NPIPB11: variants seen among roughly 807,000 people sequenced by gnomAD.
The protein encoded by NPIPB11 is nuclear pore complex interacting protein family member B11, also known as nuclear pore complex-interacting protein family member B11.
Under a neutral mutation model 32.8 loss-of-function variants are expected in NPIPB11, and 17 were observed. The observed-to-expected ratio is 0.52, with a 90% CI of 0.35 to 0.78. The LOEUF is 0.78. Among genes scored for constraint, NPIPB11 ranks in the 30% least tolerant of loss-of-function variants. The pLI is 0.01. For synonymous variants in NPIPB11, 209 were observed against 398.4 expected, an observed-to-expected ratio of 0.52 and a Z score of 5.66; for missense variants, 537 against 1,000.4, an observed-to-expected ratio of 0.54 and a Z score of 6.25.
At chr16:29,394,026 T>A in exon 3 of NPIPB11, 1 of 1,599,468 alleles carries the variant, frequency 6.3e-7, no homozygotes, top group Non-Finnish European at 8.5e-7. Flanking sequence ...ACCAAGGACT[T>A]CCACCAAAGT....
chr16:29,391,258 T>C (rs1202512331), intron 3 of NPIPB11, among the ~76,000 whole-genome samples: 43 of 113,526 alleles, frequency 3.8e-4, no homozygotes, highest in African/African-American at 1.5e-3. Flanking sequence ...AGAGTGAGAC[T>C]CCGTCTCAAA....
intron 2 of NPIPB11, among the ~76,000 whole-genome samples, chr16:29,403,041 C>A (rs1009866013): frequency 2.7e-5 from 4 of 149,160 alleles, no homozygotes; most frequent in Non-Finnish European, 5.9e-5. Flanking sequence ...AGTTTAGAAG[C>A]TGTTGATTTG....
At chr16:29,402,203 G>T (rs1306164167) in intron 2 of NPIPB11, among the ~76,000 whole-genome samples, 4 of 133,946 alleles carry the variant, frequency 3.0e-5, no homozygotes, top group Middle Eastern at 3.6e-3. Context: ...CCCAGGGCCT[G>T]GCACACACAG....
At chr16:29,399,175 C>G (rs945498730) in intron 2 of NPIPB11, among the ~76,000 whole-genome samples, 8 of 152,152 alleles carry the variant, frequency 5.3e-5, no homozygotes, top group African/African-American at 1.7e-4. Context: ...TGTCCATCAC[C>G]TTTCCTGGCC....
At chr16:29,402,698 GTCTCTC>G (rs762980727) in intron 2 of NPIPB11, among the ~76,000 whole-genome samples, 121 of 118,918 alleles carry the variant, frequency 1.0e-3, no homozygotes, top group African/African-American at 2.9e-3. Flanking sequence ...GTGAAACTCT[GTCTCTC>G]TCTCTCTCTC....
intron 3 of NPIPB11, 66 bp from the exon 4 acceptor site, chr16:29,390,414 C>T (rs1344363448): frequency 7.0e-5 from 111 of 1,595,042 alleles, no homozygotes; most frequent in Non-Finnish European, 8.8e-5. Context: ...CCCAGTACTT[C>T]GGGAAGCTGA....
chr16:29,394,481 C>T (rs1012010432), intron 2 of NPIPB11, among the ~76,000 whole-genome samples: 1 of 148,956 alleles, frequency 6.7e-6, no homozygotes, highest in Non-Finnish European at 1.5e-5. Context: ...GTCGCCCAGG[C>T]TGGAGTGAAG....
chr16:29,390,496 T>G, intron 3 of NPIPB11, 148 bp from the exon 4 acceptor site: 2 of 1,231,926 alleles, frequency 1.6e-6, no homozygotes, highest in Non-Finnish European at 2.3e-6. Context: ...CTACTAAAAA[T>G]ACAAAAATTA....
intron 3 of NPIPB11, 66 bp from the exon 4 acceptor site, chr16:29,390,414 C>A: frequency 2.5e-6 from 4 of 1,595,160 alleles, no homozygotes; most frequent in Non-Finnish European, 2.5e-6. Flanking sequence ...CCCAGTACTT[C>A]GGGAAGCTGA....
upstream of NPIPB11, among the ~76,000 whole-genome samples, chr16:29,405,354 C>T (rs976794312): frequency 7.2e-5 from 11 of 152,010 alleles, no homozygotes; most frequent in Non-Finnish European, 1.2e-4. Context: ...AAGCCTACTA[C>T]GTGCCAGCCA....
At chr16:29,405,488 A>C (rs1964094249), upstream of NPIPB11, among the ~76,000 whole-genome samples, 1 of 152,182 alleles carries the variant, frequency 6.6e-6, no homozygotes, top group Non-Finnish European at 1.5e-5. Flanking sequence ...CGTGTTAGTC[A>C]CGGTGCAGTC....
intron 3 of NPIPB11, among the ~76,000 whole-genome samples, chr16:29,390,572 A>C (rs1963693236): frequency 6.6e-6 from 1 of 150,758 alleles, no homozygotes; most frequent in Admixed American, 6.6e-5. Flanking sequence ...GAACCGTTTG[A>C]AGCTGGGAGG....
At chr16:29,383,043 C>G (rs778245800) in exon 8 of NPIPB11, 2 of 1,606,082 alleles carry the variant, frequency 1.2e-6, no homozygotes, top group Non-Finnish European at 1.7e-6. Flanking sequence ...GAAGCGGAAC[C>G]CGCAGATGCT....
At chr16:29,392,159 C>T (rs1963738356) in intron 3 of NPIPB11, among the ~76,000 whole-genome samples, 1 of 151,938 alleles carries the variant, frequency 6.6e-6, no homozygotes, top group African/African-American at 2.4e-5. Flanking sequence ...CACGTCAATC[C>T]CACAGCTACT....
intron 2 of NPIPB11, chr16:29,397,477 C>G: frequency 7.5e-7 from 1 of 1,330,194 alleles, no homozygotes; most frequent in Non-Finnish European, 1.0e-6. Flanking sequence ...CCCTAAAGTG[C>G]TGGGATTACA....
chr16:29,405,389 C>T (rs985170785), upstream of NPIPB11, among the ~76,000 whole-genome samples: 1 of 152,126 alleles, frequency 6.6e-6, no homozygotes, highest in African/African-American at 2.4e-5. Context: ...GGGGACACAG[C>T]AGAGAACAAA....
In NPIPB11 at chr16:29,402,724, C is replaced by CTCTCTCTCTCTGTGTG. The variant is rs1449821025; in HGVS notation, c.120+958_120+959insCACACAGAGAGAGAGA. ...TCTCTCTCTCTCTCTCTCTCTCTCT[C>CTCTCTCTCTCTGTGTG]TGTGTGTGTGTGTGTGTGTGTGTGT... On this transcript the variant is annotated intron_variant, in intron 2 of 7. Transcript: ENST00000524087. 1.7e-4 allele frequency among the ~76,000 whole-genome samples: 20 copies of CTCTCTCTCTCTGTGTG among 119,662 alleles called. No individual in the cohort carries two copies. In the East Asian group the frequency reaches 2.9e-3, roughly 17 times the overall value. 78.5% of individuals were successfully genotyped at this position (119,662 alleles called of 152,430 possible).
intron 5 of NPIPB11, among the ~76,000 whole-genome samples, chr16:29,389,092 G>C (rs1963640363): frequency 6.6e-6 from 1 of 151,588 alleles, no homozygotes; most frequent in Non-Finnish European, 1.5e-5. Flanking sequence ...CTACTCAAGA[G>C]GCTGAGAGAT....
chr16:29,389,572 G>C (rs1455877738), intron 5 of NPIPB11, among the ~76,000 whole-genome samples: 1 of 147,364 alleles, frequency 6.8e-6, no homozygotes. Flanking sequence ...TACTTGGGAG[G>C]CTGAGGCAGG....
Sources: allele counts gnomAD v4.1 joint callset (sites outside exome capture counted in the v4.1 genomes callset), GRCh38; gene constraint gnomAD v4.1.1; transcripts MANE v1.5; gene names NCBI Gene and HGNC (gene_info 2026-07-23, HGNC 2026-07-21).